PALM2AKAP2: variants seen among roughly 807,000 people sequenced by gnomAD.
PALM2AKAP2 encodes the protein PALM2-AKAP2 fusion protein.
Under a neutral mutation model 71.5 loss-of-function variants are expected in PALM2AKAP2, and 37 were observed. The ratio of observed to expected loss-of-function variants is 0.52; its 90% CI spans 0.40 to 0.68. The LOEUF is 0.68. PALM2AKAP2 is among the 30% of genes least tolerant of loss of function. PALM2AKAP2 has a pLI of 0.00. For missense variants in PALM2AKAP2, 1,224 were observed against 1,191.8 expected, an observed-to-expected ratio of 1.03 and a Z score of -0.40; for synonymous variants, 468 against 478.8, an observed-to-expected ratio of 0.98 and a Z score of 0.29.
intron 7 of PALM2AKAP2, among the ~76,000 whole-genome samples, chr9:110,021,226 T>C (rs959527070): frequency 2.6e-5 from 4 of 152,110 alleles, no homozygotes; most frequent in African/African-American, 7.2e-5. Flanking sequence ...CAGAAGGCCA[T>C]GTAAGGGGAC....
chr9:109,793,268 A>G (rs1381057988), intron 1 of PALM2AKAP2, among the ~76,000 whole-genome samples: 2 of 152,262 alleles, frequency 1.3e-5, no homozygotes, highest in African/African-American at 4.8e-5. Flanking sequence ...AAATTGGTTC[A>G]TGTTACAGCC....
At chr9:110,022,828 G>A (rs1833098320) in intron 7 of PALM2AKAP2, among the ~76,000 whole-genome samples, 1 of 151,952 alleles carries the variant, frequency 6.6e-6, no homozygotes, top group Non-Finnish European at 1.5e-5. Context: ...AACATGTGGT[G>A]TTTGGTTTTT....
intron 2 of PALM2AKAP2, among the ~76,000 whole-genome samples, chr9:109,870,784 A>G (rs1392790316): frequency 6.6e-6 from 1 of 152,186 alleles, no homozygotes; most frequent in South Asian, 2.1e-4. Context: ...TACTCTAAAT[A>G]TATTGTGATG....
intron 1 of PALM2AKAP2, among the ~76,000 whole-genome samples, chr9:110,060,439 C>T (rs1355540679): frequency 2.6e-5 from 4 of 151,996 alleles, no homozygotes; most frequent in Admixed American, 6.6e-5. Context: ...GTTTTTAATT[C>T]CATTTTGAAG....
intron 3 of PALM2AKAP2, among the ~76,000 whole-genome samples, chr9:109,883,130 T>C (rs890111413): frequency 3.9e-5 from 6 of 152,198 alleles, no homozygotes; most frequent in Admixed American, 2.0e-4. Flanking sequence ...TCTGGGTAAA[T>C]TGACCATTGG....
At chr9:109,688,686 G>A (rs1263031774) in intron 1 of PALM2AKAP2, among the ~76,000 whole-genome samples, 1 of 152,156 alleles carries the variant, frequency 6.6e-6, no homozygotes, top group Non-Finnish European at 1.5e-5. Context: ...CCCTGAAAAG[G>A]GGCAGAGAGA....
chr9:109,784,638 A>G (rs1035175768), intron 1 of PALM2AKAP2, among the ~76,000 whole-genome samples: 1 of 152,244 alleles, frequency 6.6e-6, no homozygotes, highest in African/African-American at 2.4e-5. Flanking sequence ...GCACTACAGT[A>G]TTACTCATAT....
exon 7 of PALM2AKAP2, chr9:110,015,982 G>C (rs773688997): frequency 6.2e-7 from 1 of 1,614,082 alleles, no homozygotes; most frequent in Admixed American, 1.7e-5. Flanking sequence ...TGCTGCTAAA[G>C]GAAGGTGAGT....
At chr9:110,162,049 G>T in intron 3 of PALM2AKAP2, 45 bp from the exon 10 acceptor site, 1 of 1,608,370 alleles carries the variant, frequency 6.2e-7, no homozygotes, top group East Asian at 2.2e-5. Flanking sequence ...TTCTGTAAGT[G>T]TGTCACTGCC....
At chr9:109,851,216 A>T (rs146611091) in intron 1 of PALM2AKAP2, among the ~76,000 whole-genome samples, 1 of 146,346 alleles carries the variant, frequency 6.8e-6, no homozygotes, top group African/African-American at 2.6e-5. Flanking sequence ...CAACAAAAAA[A>T]AAAAAACACT....
intron 1 of PALM2AKAP2, among the ~76,000 whole-genome samples, chr9:109,794,561 A>C (rs1276727257): frequency 1.3e-5 from 2 of 152,130 alleles, no homozygotes; most frequent in Non-Finnish European, 2.9e-5. Context: ...GTTTCTGGCC[A>C]GCCTTCCCTG....
intron 1 of PALM2AKAP2, among the ~76,000 whole-genome samples, chr9:110,120,565 C>A (rs556053426): frequency 2.6e-5 from 4 of 152,186 alleles, no homozygotes; most frequent in Admixed American, 2.0e-4. Flanking sequence ...TGCAGTGGTG[C>A]GATCTCGGCT....
chr9:109,788,424 A>G (rs79301097), intron 1 of PALM2AKAP2, among the ~76,000 whole-genome samples: 2,362 of 152,320 alleles, frequency 0.016, 65 homozygotes, highest in African/African-American at 0.054. Context: ...TAGAACAGTA[A>G]TTCTCAAACG....
chr9:109,804,667 C>T (rs943703298), intron 1 of PALM2AKAP2, among the ~76,000 whole-genome samples: 1 of 152,174 alleles, frequency 6.6e-6, no homozygotes, highest in Non-Finnish European at 1.5e-5. Context: ...GAAAAGAAGA[C>T]TGGCAAATTT....
chr9:109,781,377 T>G (rs1377804346), intron 1 of PALM2AKAP2, among the ~76,000 whole-genome samples: 1 of 152,216 alleles, frequency 6.6e-6, no homozygotes, highest in African/African-American at 2.4e-5. Flanking sequence ...GAATGATTAC[T>G]GCTGCCGTAT....
In PALM2AKAP2 at chr9:110,169,752, ATG is replaced by A. The variant is rs138342860; in HGVS notation, c.*1273_*1274del. The A allele has an allele frequency of 4.8e-3, 718 of 149,232 alleles. 4 individuals carry two copies. Among genetic ancestry groups the A allele is most frequent in the African/African-American group, 0.015 (623 of 40,800 alleles). 9.2% of individuals were successfully genotyped at this position (149,232 alleles called of 1,614,324 possible). A position where few individuals can be genotyped will look rare whatever the true frequency, so the allele number is the denominator to read the frequency against. On this transcript the variant is annotated 3_prime_UTR_variant, in exon 4 of 4. Coordinates refer to ENST00000374525, the Ensembl canonical transcript of PALM2AKAP2. ...AATCCTAAAGATGGGGTGTGTGTGG[ATG>A]TGTGTGTGTGTGTGTGTACACCATT...
At chr9:110,008,897 ATG>A (rs1365550550) in intron 6 of PALM2AKAP2, among the ~76,000 whole-genome samples, 1 of 149,838 alleles carries the variant, frequency 6.7e-6, no homozygotes, top group Non-Finnish European at 1.5e-5. Flanking sequence ...TTAACTGCTG[ATG>A]TAGGACACCT....
At chr9:110,020,871 G>A (rs1647038553) in intron 7 of PALM2AKAP2, among the ~76,000 whole-genome samples, 1 of 152,088 alleles carries the variant, frequency 6.6e-6, no homozygotes, top group South Asian at 2.1e-4. Context: ...GCACTGGGAG[G>A]CTGAGGTGGG....
intron 1 of PALM2AKAP2, among the ~76,000 whole-genome samples, chr9:109,671,589 C>G (rs893424682): frequency 6.6e-6 from 1 of 151,976 alleles, no homozygotes; most frequent in African/African-American, 2.4e-5. Flanking sequence ...ATTTTTGGTT[C>G]CATATGAATT....
Sources: gnomAD v4.1 joint callset for allele counts (sites outside exome capture counted in the v4.1 genomes callset) on GRCh38, gnomAD v4.1.1 for gene constraint, MANE v1.5 for transcripts, NCBI Gene and HGNC (gene_info 2026-07-23, HGNC 2026-07-21) for gene names.